The following CNTNAP2 variants were observed in gnomAD, a reference collection of about 807,000 sequenced individuals.
The protein encoded by CNTNAP2 is contactin-associated protein-like 2.
CNTNAP2 carries 98 observed loss-of-function variants against 155.2 expected under a neutral mutation model. That is an observed-to-expected ratio of 0.63 (90% confidence interval 0.54 to 0.75). The LOEUF is 0.75. Among genes scored for constraint, CNTNAP2 ranks in the 30% least tolerant of loss-of-function variants. The probability of loss-of-function intolerance (pLI) is 0.00; values close to 1 mark genes in which losing one functional copy is unlikely to be tolerated. For missense variants in CNTNAP2, 1,727 were observed against 1,688.1 expected, an observed-to-expected ratio of 1.02 and a Z score of -0.40; for synonymous variants, 651 against 631.2, an observed-to-expected ratio of 1.03 and a Z score of -0.47.
intron 13 of CNTNAP2, among the ~76,000 whole-genome samples, chr7:147,738,359 A>G (rs531851381): frequency 4.6e-5 from 7 of 152,346 alleles, no homozygotes; most frequent in Middle Eastern, 6.8e-3. Flanking sequence ...CACACATTAC[A>G]GAAAAATATT....
chr7:147,469,120 C>T (rs1798168528), intron 10 of CNTNAP2, among the ~76,000 whole-genome samples: 1 of 151,838 alleles, frequency 6.6e-6, no homozygotes, highest in East Asian at 1.9e-4. Flanking sequence ...GCCGTGACAG[C>T]CAAAAACTGC....
chr7:148,009,145 C>T (rs1007263071), intron 15 of CNTNAP2, among the ~76,000 whole-genome samples: 5 of 152,168 alleles, frequency 3.3e-5, no homozygotes, highest in Non-Finnish European at 7.4e-5. Context: ...TTTAATACAC[C>T]TAACCTACCA....
chr7:147,256,243 T>C (rs1013839690), intron 8 of CNTNAP2, among the ~76,000 whole-genome samples: 37 of 152,160 alleles, frequency 2.4e-4, no homozygotes, highest in African/African-American at 8.7e-4. Flanking sequence ...AGAAAGGCCT[T>C]GTGACCTAGA....
At chr7:146,285,297 T>A (rs1196802366) in intron 1 of CNTNAP2, among the ~76,000 whole-genome samples, 3 of 152,154 alleles carry the variant, frequency 2.0e-5, no homozygotes, top group African/African-American at 7.2e-5. Flanking sequence ...AATCCTTAAC[T>A]AATTAACCTT....
At chr7:146,217,524 T>C (rs1799133110) in intron 1 of CNTNAP2, among the ~76,000 whole-genome samples, 1 of 152,154 alleles carries the variant, frequency 6.6e-6, no homozygotes. Context: ...TATTAATACT[T>C]AGAAGAAACC....
chr7:148,044,336 G>A (rs972449242), intron 15 of CNTNAP2, among the ~76,000 whole-genome samples: 3 of 151,900 alleles, frequency 2.0e-5, no homozygotes, highest in East Asian at 1.9e-4. Flanking sequence ...CCTGGCAGAC[G>A]GCCTGATGCC....
chr7:147,342,649 A>G (rs1795784728), intron 9 of CNTNAP2, among the ~76,000 whole-genome samples: 1 of 152,204 alleles, frequency 6.6e-6, no homozygotes, highest in Admixed American at 6.5e-5. Context: ...ATCCAAGGAC[A>G]AAATTAGGTT....
At chr7:146,834,329 T>A (rs1380340831) in intron 2 of CNTNAP2, among the ~76,000 whole-genome samples, 1 of 152,206 alleles carries the variant, frequency 6.6e-6, no homozygotes, top group Non-Finnish European at 1.5e-5. Context: ...AGATTCTCTA[T>A]TGTAATGGAT....
intron 1 of CNTNAP2, among the ~76,000 whole-genome samples, chr7:146,641,486 G>A (rs2129161277): frequency 6.6e-6 from 1 of 152,310 alleles, no homozygotes; most frequent in East Asian, 1.9e-4. Flanking sequence ...TAGCTGGACA[G>A]TTAATTCTGT....
At chr7:146,762,372 G>A (rs1431935956) in intron 1 of CNTNAP2, among the ~76,000 whole-genome samples, 7 of 152,172 alleles carry the variant, frequency 4.6e-5, no homozygotes, top group East Asian at 1.9e-4. Context: ...AGGCCGAGGC[G>A]GGAGGATGAC....
At chr7:147,725,945 G>A (rs969532983) in intron 13 of CNTNAP2, among the ~76,000 whole-genome samples, 4 of 151,962 alleles carry the variant, frequency 2.6e-5, no homozygotes, top group Non-Finnish European at 5.9e-5. Context: ...ACTGGTGAAA[G>A]CTTTGTATAT....
chr7:148,172,402 C>T lies in CNTNAP2; in HGVS notation c.2934C>T (p.Gly978=). 1 of 1,614,150 alleles carries T rather than the reference C, an allele frequency of 6.2e-7. No homozygotes were observed. The highest frequency in any genetic ancestry group is 1.7e-5 in the Admixed American group (1 of 60,002). The change falls in exon 18 of 24, where the codon GGC becomes GGT. Residue 978 remains glycine (G), a synonymous_variant. Coordinates refer to ENST00000361727, the MANE Select transcript of CNTNAP2 (RefSeq NM_014141.6). ...ATGGAACAAACTGTGAAAATGGAGG[C>T]AAATGCCTAGAGAGATACCACGGTT... ...TSYGTNCENG[G]KCLERYHGYS...
At chr7:146,876,444 C>T (rs549349433) in intron 3 of CNTNAP2, among the ~76,000 whole-genome samples, 2 of 152,036 alleles carry the variant, frequency 1.3e-5, no homozygotes, top group South Asian at 4.1e-4. Flanking sequence ...ATGATTTCAG[C>T]AAAGGAGATA....
chr7:147,331,476 A>G (rs1362510488), intron 9 of CNTNAP2, among the ~76,000 whole-genome samples: 2 of 152,142 alleles, frequency 1.3e-5, no homozygotes, highest in Non-Finnish European at 2.9e-5. Flanking sequence ...GGGAGCACCA[A>G]TACAGCATTA....
At chr7:147,091,674 C>T (rs1029524008) in intron 4 of CNTNAP2, among the ~76,000 whole-genome samples, 17 of 151,114 alleles carry the variant, frequency 1.1e-4, no homozygotes, top group South Asian at 4.2e-4. Context: ...GGTGCGATCT[C>T]GGCTCACTGC....
rs1554427700 is a variant in CNTNAP2 at position 146,395,779 on chromosome 7, T to TGATAGATAGATAGATA, written c.97+278837_97+278852dup. 4.0e-3 allele frequency among the ~76,000 whole-genome samples: 493 copies of TGATAGATAGATAGATA among 122,020 alleles called. 3 individuals carry two copies. The highest frequency in any genetic ancestry group is 5.9e-3 in the Non-Finnish European group (347 of 59,096). The allele number at this position is 122,020 out of a possible 152,430, so 80.0% of individuals were successfully genotyped here. A position where few individuals can be genotyped will look rare whatever the true frequency, so the allele number is the denominator to read the frequency against. On this transcript the variant is annotated intron_variant, in intron 1 of 23. Transcript: ENST00000361727. The stretch of plus-strand genomic sequence containing the variant: ...TGAAATGATGATCTAGATAGACAGA[T>TGATAGATAGATAGATA]GATAGATAGATAGATAGATAGATAG...
chr7:146,678,424 A>C (rs1377808928), intron 1 of CNTNAP2, among the ~76,000 whole-genome samples: 1 of 152,162 alleles, frequency 6.6e-6, no homozygotes, highest in Non-Finnish European at 1.5e-5. Context: ...TTTCAAATGC[A>C]GTCTTTTAAA....
chr7:147,358,774 A>T (rs7781303), intron 9 of CNTNAP2, among the ~76,000 whole-genome samples: 34,411 of 151,910 alleles, frequency 0.23, 4,246 homozygotes, highest in Non-Finnish European at 0.28. Context: ...GCCATTCCTC[A>T]AAAACATTCT....
At chr7:146,524,981 C>T (rs1797667184) in intron 1 of CNTNAP2, among the ~76,000 whole-genome samples, 1 of 151,780 alleles carries the variant, frequency 6.6e-6, no homozygotes, top group South Asian at 2.1e-4. Flanking sequence ...GAGAGCCTGC[C>T]ATAAAATTGT....
Sources: allele counts gnomAD v4.1 joint callset (sites outside exome capture counted in the v4.1 genomes callset), GRCh38; gene constraint gnomAD v4.1.1; transcripts MANE v1.5; gene names NCBI Gene and HGNC (gene_info 2026-07-23, HGNC 2026-07-21).